The following FAM13A variants were observed in gnomAD, a reference collection of about 807,000 sequenced individuals.
FAM13A encodes the protein family with sequence similarity 13 member A.
In FAM13A, 76 loss-of-function variants were observed where a neutral mutation model predicts 129.6. That is an observed-to-expected ratio of 0.59 (90% confidence interval 0.49 to 0.71). FAM13A has a LOEUF of 0.71. Ranked by LOEUF, FAM13A falls within the 30% of genes least tolerant of loss-of-function variation. The pLI is 0.00. For missense variants in FAM13A, 1,108 were observed against 1,249.3 expected, an observed-to-expected ratio of 0.89 and a Z score of 1.70; for synonymous variants, 443 against 449.9, an observed-to-expected ratio of 0.98 and a Z score of 0.20.
intron 5 of FAM13A, among the ~76,000 whole-genome samples, chr4:88,921,498 T>G (rs1439751775): frequency 6.6e-6 from 1 of 152,028 alleles, no homozygotes; most frequent in Non-Finnish European, 1.5e-5. Flanking sequence ...GACAAGCAAA[T>G]GTTGAGAGAT....
chr4:88,925,269 G>A (rs1159558096), intron 5 of FAM13A, among the ~76,000 whole-genome samples: 2 of 151,964 alleles, frequency 1.3e-5, no homozygotes, highest in East Asian at 1.9e-4. Context: ...TGTTTATTGC[G>A]GCTCTATTCA....
At position 88,829,064 on chromosome 4, in the gene FAM13A, C is replaced by T. The variant is rs192554291; in HGVS notation, c.1007+21956G>A. ...TTGTCCTATCAAGAGCAACAAAAACCATGTGGCTGTGTTTCTTTTAATTTC... is the reference window on the plus strand; with the variant it reads ...TTGTCCTATCAAGAGCAACAAAAACTATGTGGCTGTGTTTCTTTTAATTTC... On this transcript the variant is annotated intron_variant, in intron 7 of 23. Coordinates refer to ENST00000264344, the MANE Select transcript of FAM13A (RefSeq NM_014883.4). Among the ~76,000 whole-genome samples the T allele has an allele frequency of 2.9e-3, 449 of 152,258 alleles. 5 individuals are homozygous for T. Among genetic ancestry groups the T allele is most frequent in the Non-Finnish European group, 4.3e-3 (291 of 68,010 alleles).
chr4:88,934,378 A>C (rs918102043), intron 5 of FAM13A, among the ~76,000 whole-genome samples: 9 of 152,186 alleles, frequency 5.9e-5, no homozygotes, highest in African/African-American at 2.2e-4. Context: ...CTTTGCTCCT[A>C]GTAGGCACCG....
chr4:89,034,226 A>G (rs1343260286), intron 1 of FAM13A, among the ~76,000 whole-genome samples: 1 of 152,212 alleles, frequency 6.6e-6, no homozygotes. Flanking sequence ...AACTTACACC[A>G]GTCAACAAGA....
At chr4:88,998,184 C>A (rs1052749151) in intron 3 of FAM13A, among the ~76,000 whole-genome samples, 2 of 152,168 alleles carry the variant, frequency 1.3e-5, no homozygotes, top group Non-Finnish European at 2.9e-5. Flanking sequence ...GTTGAGCCCA[C>A]ACACTTCTCA....
intron 18 of FAM13A, 25 bp from the exon 19 acceptor site, chr4:88,747,040 T>C (rs746734811): frequency 5.4e-6 from 8 of 1,486,028 alleles, no homozygotes; most frequent in Admixed American, 1.7e-5. Flanking sequence ...GGATAGAGAA[T>C]TGAAAGAGAG....
chr4:88,925,395 A>G (rs1027813397), intron 5 of FAM13A, among the ~76,000 whole-genome samples: 4 of 152,204 alleles, frequency 2.6e-5, no homozygotes, highest in African/African-American at 7.2e-5. Flanking sequence ...ATGAGTTCAC[A>G]TCCTTTGTAG....
chr4:88,995,588 T>G (rs4507326), intron 3 of FAM13A, among the ~76,000 whole-genome samples: 105,630 of 151,970 alleles, frequency 0.7, 36,832 homozygotes, highest in Middle Eastern at 0.79. Flanking sequence ...TGGACCCTTG[T>G]ATTTTCCAGG....
At chr4:88,866,206 C>G (rs1221010139) in intron 6 of FAM13A, among the ~76,000 whole-genome samples, 1 of 152,072 alleles carries the variant, frequency 6.6e-6, no homozygotes, top group South Asian at 2.1e-4. Context: ...GCCACCATGG[C>G]CCAGCTAATT....
At chr4:88,925,711 TAAATAA>T (rs1752022165) in intron 5 of FAM13A, among the ~76,000 whole-genome samples, 1 of 150,244 alleles carries the variant, frequency 6.7e-6, no homozygotes, top group Non-Finnish European at 1.5e-5. Context: ...AAATAAAAAA[TAAATAA>T]AAATAAAAAA....
At position 88,929,938 on chromosome 4, in the gene FAM13A, C is replaced by T. The variant is rs1284162903; in HGVS notation, c.759+8150G>A. Among the ~76,000 whole-genome samples, 6 of 152,042 alleles carry T rather than the reference C, an allele frequency of 3.9e-5. No individual in the cohort carries two copies. The East Asian group carries it at 1.2e-3, about 29-fold the overall frequency. On this transcript the variant is annotated intron_variant, in intron 5 of 23. Coordinates refer to ENST00000264344, the MANE Select transcript of FAM13A (RefSeq NM_014883.4). ...TTTTTTTGTAAAGACAGGGTCTTGC[C>T]ATGTTGCCCAAGCTGGTCTTGAACT...
At chr4:88,876,644 T>A (rs950825635) in intron 6 of FAM13A, among the ~76,000 whole-genome samples, 2 of 152,046 alleles carry the variant, frequency 1.3e-5, no homozygotes, top group Non-Finnish European at 1.5e-5. Context: ...GAGGCTGGAG[T>A]GCAGTGGCTC....
chr4:88,925,145 G>T (rs553849848), intron 5 of FAM13A, among the ~76,000 whole-genome samples: 56 of 151,940 alleles, frequency 3.7e-4, no homozygotes, highest in Non-Finnish European at 6.2e-4. Context: ...AAGTCAGTGT[G>T]GCGATTCCTC....
chr4:88,741,997 T>C (rs778292630), intron 19 of FAM13A, among the ~76,000 whole-genome samples: 16 of 152,188 alleles, frequency 1.1e-4, no homozygotes, highest in African/African-American at 3.6e-4. Context: ...ATATAGAATA[T>C]GTTGCAGATG....
At chr4:88,736,744 G>C (rs2924937) in intron 21 of FAM13A, 27,049 of 151,818 alleles carry the variant, frequency 0.18, 3,109 homozygotes, top group South Asian at 0.31. Context: ...ATTACATCTC[G>C]CATTCTAGCA....
At chr4:88,740,067 C>T (rs979878053) in intron 19 of FAM13A, among the ~76,000 whole-genome samples, 28 of 152,108 alleles carry the variant, frequency 1.8e-4, no homozygotes, top group Non-Finnish European at 4.4e-5. Context: ...CTTCTCCTCC[C>T]CATCATACTT....
chr4:88,847,509 C>A (rs368062356), intron 7 of FAM13A, among the ~76,000 whole-genome samples: 1 of 152,254 alleles, frequency 6.6e-6, no homozygotes, highest in African/African-American at 2.4e-5. Flanking sequence ...CAATGGCTAG[C>A]TGTTCCTTCT....
chr4:88,890,352 C>T (rs945727282), intron 6 of FAM13A, among the ~76,000 whole-genome samples: 3 of 152,152 alleles, frequency 2.0e-5, no homozygotes, highest in South Asian at 2.1e-4. Flanking sequence ...CTGGATCCTC[C>T]GAACCAGGGA....
At chr4:88,839,649 G>A (rs529468715) in intron 7 of FAM13A, among the ~76,000 whole-genome samples, 6 of 152,190 alleles carry the variant, frequency 3.9e-5, no homozygotes, top group Non-Finnish European at 7.3e-5. Context: ...TACTTTGGGA[G>A]GCTGAGGTGG....
Sources: allele counts gnomAD v4.1 joint callset (sites outside exome capture counted in the v4.1 genomes callset), GRCh38; gene constraint gnomAD v4.1.1; transcripts MANE v1.5; gene names NCBI Gene and HGNC (gene_info 2026-07-23, HGNC 2026-07-21).